The following ADCY2 variants were observed in gnomAD, a reference collection of about 807,000 sequenced individuals.
The protein encoded by ADCY2 is adenylate cyclase 2, also known as adenylate cyclase type 2.
In ADCY2, 31 loss-of-function variants were observed where a neutral mutation model predicts 125.2. The observed-to-expected ratio is 0.25, with a 90% CI of 0.19 to 0.33. The LOEUF (loss-of-function observed/expected upper bound fraction) is 0.33. Among genes scored for constraint, ADCY2 ranks in the 10% least tolerant of loss-of-function variants. ADCY2 has a pLI of 1.00. For missense variants in ADCY2, 904 were observed against 1,418.2 expected (o/e 0.64, Z 5.82); for synonymous variants, 512 against 548.4 (o/e 0.93, Z 0.93).
At chr5:7,480,148 C>T (rs1047392431) in intron 2 of ADCY2, among the ~76,000 whole-genome samples, 4 of 152,134 alleles carry the variant, frequency 2.6e-5, no homozygotes, top group African/African-American at 9.7e-5. Flanking sequence ...AAAAAGAGTG[C>T]TTATACACTG....
intron 4 of ADCY2, among the ~76,000 whole-genome samples, chr5:7,669,310 G>T (rs1291385588): frequency 6.6e-6 from 1 of 152,228 alleles, no homozygotes; most frequent in African/African-American, 2.4e-5. Flanking sequence ...CTGTCCAGGT[G>T]TGTGAGTCTA....
At chr5:7,568,948 AC>A (rs1444316523) in intron 3 of ADCY2, among the ~76,000 whole-genome samples, 1 of 152,134 alleles carries the variant, frequency 6.6e-6, no homozygotes, top group Non-Finnish European at 1.5e-5. Flanking sequence ...GGGCAGTAAA[AC>A]CTGCAGTGTC....
chr5:7,481,745 A>G (rs1175405176), intron 2 of ADCY2, among the ~76,000 whole-genome samples: 2 of 150,400 alleles, frequency 1.3e-5, no homozygotes, highest in African/African-American at 4.9e-5. Context: ...TCTGCCATCC[A>G]ATGAGTTGTC....
chr5:7,790,278 C>T (rs945642329), intron 20 of ADCY2, among the ~76,000 whole-genome samples: 2 of 152,154 alleles, frequency 1.3e-5, no homozygotes, highest in South Asian at 4.1e-4. Context: ...CTTAGAATTT[C>T]AAAGATATCA....
chr5:7,499,344 G>T (rs931739096), intron 2 of ADCY2, among the ~76,000 whole-genome samples: 4 of 151,948 alleles, frequency 2.6e-5, no homozygotes, highest in Non-Finnish European at 4.4e-5. Context: ...GAGGGAGAGG[G>T]GCACAAAGAC....
At chr5:7,620,683 A>T (rs1046678865) in intron 3 of ADCY2, among the ~76,000 whole-genome samples, 1 of 152,210 alleles carries the variant, frequency 6.6e-6, no homozygotes, top group African/African-American at 2.4e-5. Flanking sequence ...AGGCAAGAGC[A>T]TTGCTTTCTG....
chr5:7,659,748 GA>G (rs1405099659), intron 4 of ADCY2, among the ~76,000 whole-genome samples: 1 of 152,154 alleles, frequency 6.6e-6, no homozygotes, highest in Non-Finnish European at 1.5e-5. Context: ...AGATTCCTAG[GA>G]GTAGTTGGAA....
chr5:7,679,531 C>G (rs1387946100), intron 4 of ADCY2, among the ~76,000 whole-genome samples: 3 of 152,118 alleles, frequency 2.0e-5, no homozygotes, highest in Non-Finnish European at 4.4e-5. Flanking sequence ...AGGTGATTCT[C>G]TAGGTGACAG....
At chr5:7,498,733 G>A (rs530326579) in intron 2 of ADCY2, among the ~76,000 whole-genome samples, 127 of 152,282 alleles carry the variant, frequency 8.3e-4, no homozygotes, top group Middle Eastern at 3.4e-3. Context: ...AATGTTCACA[G>A]CAGCACTGTG....
At chr5:7,698,968 C>T (rs951241192) in intron 7 of ADCY2, among the ~76,000 whole-genome samples, 2 of 150,814 alleles carry the variant, frequency 1.3e-5, no homozygotes, top group Non-Finnish European at 2.9e-5. Flanking sequence ...ACCACACTGT[C>T]TGTCACAACG....
intron 3 of ADCY2, among the ~76,000 whole-genome samples, chr5:7,534,095 C>T (rs1459788147): frequency 2.6e-5 from 4 of 152,250 alleles, no homozygotes; most frequent in African/African-American, 9.6e-5. Flanking sequence ...AGCGTTCATA[C>T]CATTGTCAAC....
chr5:7,590,154 A>T (rs1291361299), intron 3 of ADCY2, among the ~76,000 whole-genome samples: 1 of 152,188 alleles, frequency 6.6e-6, no homozygotes. Context: ...TCACTTGGGG[A>T]GTCACCGCAC....
At chr5:7,483,137 G>A (rs192812471) in intron 2 of ADCY2, among the ~76,000 whole-genome samples, 38 of 152,098 alleles carry the variant, frequency 2.5e-4, no homozygotes, top group African/African-American at 8.9e-4. Flanking sequence ...GTAATTTATT[G>A]TATATTTCTA....
At chr5:7,676,661 T>G (rs961315370) in intron 4 of ADCY2, among the ~76,000 whole-genome samples, 1 of 152,208 alleles carries the variant, frequency 6.6e-6, no homozygotes, top group Non-Finnish European at 1.5e-5. Flanking sequence ...TTCTAAGAAT[T>G]ATTTGCCAAA....
At chr5:7,687,965 C>T (rs1740572220) in intron 4 of ADCY2, among the ~76,000 whole-genome samples, 1 of 152,092 alleles carries the variant, frequency 6.6e-6, no homozygotes, top group Non-Finnish European at 1.5e-5. Flanking sequence ...GACTCATCAC[C>T]CATCAGAAAG....
chr5:7,596,653 A>G lies in ADCY2; in HGVS notation c.571-29514A>G, dbSNP rs1456162237. Reference sequence around the variant, plus strand: ...TCTTCATCTTTAAGGTGGGAGTTAAACCCGTTAAGTGAATGAATAAATATA... The same window carrying G: ...TCTTCATCTTTAAGGTGGGAGTTAAGCCCGTTAAGTGAATGAATAAATATA... On this transcript the variant is annotated intron_variant, in intron 3 of 24. Coordinates refer to ENST00000338316, the MANE Select transcript of ADCY2 (RefSeq NM_020546.3). Among the ~76,000 whole-genome samples the G allele has an allele frequency of 2.0e-5, 3 of 152,096 alleles. No individual in the cohort carries two copies. In the East Asian group the frequency reaches 5.8e-4, roughly 29 times the overall value.
intron 3 of ADCY2, among the ~76,000 whole-genome samples, chr5:7,532,225 C>T (rs1734672152): frequency 6.6e-6 from 1 of 152,182 alleles, no homozygotes; most frequent in Non-Finnish European, 1.5e-5. Context: ...AACTTCTATT[C>T]TTGATACTCC....
chr5:7,526,459 A>G (rs980816550), intron 3 of ADCY2, among the ~76,000 whole-genome samples: 2 of 63,052 alleles, frequency 3.2e-5, no homozygotes, highest in Non-Finnish European at 5.2e-5. Flanking sequence ...AATAGTTAGT[A>G]GAGAAGAATT....
rs544386996 is a variant in ADCY2 at position 7,413,288 on chromosome 5, G to GT, written c.211-1275dup. 2.0e-3 allele frequency among the ~76,000 whole-genome samples: 303 copies of GT among 149,500 alleles called. 1 individual carries two copies. The highest frequency in any genetic ancestry group is 5.6e-3 in the African/African-American group (228 of 40,870). ...TCCCATATATGGTCCCAGCCTTGGG[G>GT]TTTTTTTTTTCTTTTTTCTTTTTTG... On this transcript the variant is annotated intron_variant, in intron 1 of 24. Coordinates refer to ENST00000338316, the MANE Select transcript of ADCY2 (RefSeq NM_020546.3).
Sources: allele counts gnomAD v4.1 joint callset (sites outside exome capture counted in the v4.1 genomes callset), GRCh38; gene constraint gnomAD v4.1.1; transcripts MANE v1.5; gene names NCBI Gene and HGNC (gene_info 2026-07-23, HGNC 2026-07-21).